TRPM4: variants seen among roughly 807,000 people sequenced by gnomAD.
TRPM4 encodes the protein transient receptor potential cation channel subfamily M member 4, also known as calcium-activated non-selective cation channel 1.
TRPM4 carries 124 observed loss-of-function variants against 135.6 expected under a neutral mutation model. The observed-to-expected ratio is 0.91, with a 90% CI of 0.79 to 1.06. The LOEUF is 1.06. Among genes scored for constraint, TRPM4 ranks in the 50% least tolerant of loss-of-function variants. The pLI is 0.00. For synonymous variants in TRPM4, 745 were observed against 705.6 expected (o/e 1.06, Z -0.88); for missense variants, 1,658 against 1,671.4 (o/e 0.99, Z 0.14).
chr19:49,182,394 GCCCA>G lies in TRPM4; in HGVS notation c.1264-183_1264-180del, dbSNP rs1228914099. On this transcript the variant is annotated intron_variant, in intron 10 of 24. Transcript: ENST00000252826. ...CATCCATCCATCCATCCATCCATCT[GCCCA>G]TCCATCCATCTGTCCATCCATCCAT... The G allele has an allele frequency of 9.6e-5, 50 of 519,344 alleles. No individual in the cohort carries two copies. In the African/African-American group the frequency reaches 1.2e-3, roughly 13 times the overall value. The allele number at this position is 519,344 out of a possible 1,614,324, so 32.2% of individuals were successfully genotyped here.
At chr19:49,182,455 T>TCCAC (rs1568471064) in intron 10 of TRPM4, 123 bp from the exon 11 acceptor site, 12 of 88,624 alleles carry the variant, frequency 1.4e-4, no homozygotes, top group Non-Finnish European at 2.3e-4. Flanking sequence ...CATCCACCCA[T>TCCAC]CCATCCATCC....
chr19:49,204,936 G>T, intron 20 of TRPM4, among the ~76,000 whole-genome samples: 1 of 142,506 alleles, frequency 7.0e-6, no homozygotes, highest in Non-Finnish European at 1.5e-5. Flanking sequence ...CTTTCTTGTT[G>T]GCATGATTTT....
At chr19:49,173,855 A>G (rs890090508) in intron 9 of TRPM4, among the ~76,000 whole-genome samples, 1 of 152,052 alleles carries the variant, frequency 6.6e-6, no homozygotes, top group African/African-American at 2.4e-5. Flanking sequence ...TTTTTTGTAC[A>G]GACGAGGTCT....
At chr19:49,164,229 C>CTTT in intron 2 of TRPM4, among the ~76,000 whole-genome samples, 1 of 143,838 alleles carries the variant, frequency 7.0e-6, no homozygotes, top group African/African-American at 2.6e-5. Context: ...CTTTTCTTTT[C>CTTT]TCTCTCTCTT....
At chr19:49,172,893 C>T (rs1036168582) in intron 9 of TRPM4, among the ~76,000 whole-genome samples, 2 of 117,914 alleles carry the variant, frequency 1.7e-5, no homozygotes, top group Non-Finnish European at 3.7e-5. Context: ...CTGAGAATTC[C>T]ATCCGCTCAT....
intron 12 of TRPM4, among the ~76,000 whole-genome samples, chr19:49,185,579 T>G (rs1310213630): frequency 1.3e-5 from 2 of 151,896 alleles, no homozygotes; most frequent in East Asian, 3.9e-4. Context: ...TGAACCATAT[T>G]GTCTTGTTTC....
chr19:49,210,726 G>A lies in TRPM4; in HGVS notation c.3345G>A (p.Lys1115=), dbSNP rs2145998009. The A allele has an allele frequency of 1.2e-6, 2 of 1,614,200 alleles. No individual in the cohort carries two copies. Among genetic ancestry groups the A allele is most frequent in the East Asian group, 4.5e-5 (2 of 44,886 alleles). ...ALEHFRVYLS[K]EAERKLLTWE... ...CCCCTGCAGGGGTTTACCTTTCTAA[G>A]GAAGCCGAGCGGAAGCTGCTAACGT... The change falls in exon 22 of 25, where the codon AAG becomes AAA. Residue 1115 remains lysine, a synonymous_variant. Transcript: ENST00000252826. This position sits in a 1 kb window ranked among gnomAD's most constrained non-coding sequence, Gnocchi z 4.1.
intron 17 of TRPM4, among the ~76,000 whole-genome samples, chr19:49,197,231 C>T (rs1486048288): frequency 6.6e-6 from 1 of 152,120 alleles, no homozygotes; most frequent in East Asian, 1.9e-4. Flanking sequence ...GCTCGTTGGT[C>T]CCAGGCCCCT....
Position 49,183,264 on chromosome 19 carries a change from C to T in TRPM4, c.1743+52C>T, listed in dbSNP as rs747850034. ...TCCCTGTCCTTTAGGCCACTGGATGCCAGTGTTCCCGAAACAATTACCATA... is the reference window on the plus strand; with the variant it reads ...TCCCTGTCCTTTAGGCCACTGGATGTCAGTGTTCCCGAAACAATTACCATA... On this transcript the variant is annotated intron_variant, in intron 12 of 24. Transcript: ENST00000252826. The T allele has an allele frequency of 7.4e-6, 12 of 1,611,180 alleles. No homozygotes were observed. In the South Asian group the frequency reaches 8.8e-5, roughly 12 times the overall value.
At chr19:49,158,080 C>G in intron 1 of TRPM4, 112 bp from the exon 2 acceptor site, 1 of 1,314,882 alleles carries the variant, frequency 7.6e-7, no homozygotes, top group South Asian at 1.2e-5. Context: ...GCTGGGGGCC[C>G]GGACTCCTGT....
intron 9 of TRPM4, among the ~76,000 whole-genome samples, chr19:49,176,037 C>T (rs1967680556): frequency 6.6e-6 from 1 of 151,660 alleles, no homozygotes; most frequent in African/African-American, 2.4e-5. Flanking sequence ...GATTCTCCTG[C>T]CTCAGCCTCC....
chr19:49,209,126 C>T (rs926411923), intron 20 of TRPM4, among the ~76,000 whole-genome samples: 7 of 152,108 alleles, frequency 4.6e-5, no homozygotes, highest in African/African-American at 1.7e-4. Flanking sequence ...AATCCCATTT[C>T]GTTATGGTAT....
chr19:49,176,363 C>T (rs941195646), intron 9 of TRPM4, among the ~76,000 whole-genome samples: 30 of 152,196 alleles, frequency 2.0e-4, no homozygotes, highest in African/African-American at 7.0e-4. Flanking sequence ...AGTAGCTGTG[C>T]GCCACCACAC....
chr19:49,193,820 A>G (rs1247958510), intron 16 of TRPM4, among the ~76,000 whole-genome samples: 1 of 151,956 alleles, frequency 6.6e-6, no homozygotes, highest in East Asian at 1.9e-4. Flanking sequence ...AGGAGTTCTT[A>G]GTTTCTGTAG....
In TRPM4 at chr19:49,196,491, CCGTCCGGGT is replaced by C. The variant is rs1488072688; in HGVS notation, c.2263_2271del (p.Arg755_Gly757del). On this transcript the variant is annotated inframe_deletion, in exon 17 of 25. Transcript: ENST00000252826. ...CGCTGGGGGTCCCGCGCCAGTCGGG[CCGTCCGGGT>C]TGCTGCGGGGGCCGCTGCGGGGGGC... The C allele has an allele frequency of 1.9e-6, 3 of 1,555,538 alleles. No individual in the cohort carries two copies.
At chr19:49,182,379 T>TCTGC (rs1166124319) in intron 10 of TRPM4, 199 bp from the exon 11 acceptor site, 18 of 616,654 alleles carry the variant, frequency 2.9e-5, no homozygotes, top group Admixed American at 6.6e-5. Flanking sequence ...CATCCATCCA[T>TCTGC]CCATCCATCC....
At position 49,196,779 on chromosome 19, in the gene TRPM4, C is replaced by T. The variant is rs1448905460; in HGVS notation, c.2550C>T (p.Ala850=). Residue 850 remains alanine (A), a synonymous_variant, in exon 17 of 25, where the codon GCC becomes GCT. Transcript: ENST00000252826. ...LASGGPGPGH[A]SLSQRLRLYL... is the part of the protein sequence containing the mutation. ...GCGGGGGCCCCGGGCCTGGCCATGC[C>T]TCACTGAGCCAGCGCCTGCGCCTCT... The T allele has an allele frequency of 6.4e-7, 1 of 1,570,198 alleles. No individual in the cohort carries two copies. Among genetic ancestry groups the T allele is most frequent in the South Asian group, 1.2e-5 (1 of 86,612 alleles).
At chr19:49,161,513 G>A (rs116007710) in intron 2 of TRPM4, among the ~76,000 whole-genome samples, 1,718 of 150,990 alleles carry the variant, frequency 0.011, 27 homozygotes, top group African/African-American at 0.03. Flanking sequence ...TGTAGAAACC[G>A]GGTCTCCCTT....
chr19:49,189,627 T>G (rs1187803433), intron 14 of TRPM4, among the ~76,000 whole-genome samples: 1 of 152,054 alleles, frequency 6.6e-6, no homozygotes, highest in Non-Finnish European at 1.5e-5. Flanking sequence ...GAAGCCCTAC[T>G]TGCTCCCACA....
Sources: gnomAD v4.1 joint callset for allele counts (sites outside exome capture counted in the v4.1 genomes callset) on GRCh38, gnomAD v4.1.1 for gene constraint, Gnocchi (gnomAD v3.1) non-coding constraint, MANE v1.5 for transcripts, NCBI Gene and HGNC (gene_info 2026-07-23, HGNC 2026-07-21) for gene names.